Variants in RELL2 observed in about 807,000 individuals in gnomAD.
RELL2 encodes the protein RELT like 2.
A neutral mutation model predicts 27.5 loss-of-function variants in RELL2; 18 were observed. The observed-to-expected ratio is 0.65, with a 90% CI of 0.45 to 0.97. The LOEUF (loss-of-function observed/expected upper bound fraction) is 0.97, where lower values mean the gene tolerates loss of function less well. RELL2 is among the 50% of genes least tolerant of loss of function. The probability of loss-of-function intolerance (pLI) is 0.00; values close to 1 mark genes in which losing one functional copy is unlikely to be tolerated. For missense variants in RELL2, 370 were observed against 397.5 expected, an observed-to-expected ratio of 0.93 and a Z score of 0.59; for synonymous variants, 156 against 147.5, an observed-to-expected ratio of 1.06 and a Z score of -0.42.
At position 141,638,213 on chromosome 5, in the gene RELL2, C is replaced by A; in HGVS notation, c.-13C>A. 6.2e-7 allele frequency: 1 copy of A among 1,603,308 alleles called. No homozygotes were observed. On this transcript the variant is annotated 5_prime_UTR_variant, in exon 1 of 7. Transcript: ENST00000297164. ...AGGAGGCGCCCTGGCCCGCGCTCGC[C>A]CCCCAGGGCCTCATGTCGGAACCAC...
At position 141,639,742 on chromosome 5, in the gene RELL2, T is replaced by C; in HGVS notation, c.503+93T>C. ...AAAGTGGGCCTTGGCTCTTTCCTCC[T>C]GGACTGGGAGCTCCGGCAGAAGTCA... On this transcript the variant is annotated intron_variant, in intron 4 of 6. Transcript: ENST00000297164. This position sits in a 1 kb window ranked among gnomAD's most constrained non-coding sequence, Gnocchi z 4.4. 1 of 1,372,450 alleles carries C rather than the reference T, an allele frequency of 7.3e-7. No individual in the cohort carries two copies. The highest frequency in any genetic ancestry group is 1.3e-5 in the South Asian group (1 of 75,528). The allele number at this position is 1,372,450 out of a possible 1,614,324, so 85.0% of individuals were successfully genotyped here.
In RELL2 at chr5:141,638,079, G is replaced by GT; in HGVS notation, c.-146dup. ...CTGGCCCGGACAGCTCCCTGGTTGG[G>GT]TAGGGGGTGGGGCCGGACCTCAGCC... is the stretch of plus-strand genomic sequence containing the variant. On this transcript the variant is annotated 5_prime_UTR_variant, in exon 1 of 7. Transcript: ENST00000297164. 1 of 637,610 alleles carries GT rather than the reference G, an allele frequency of 1.6e-6. No individual in the cohort carries two copies. The highest frequency in any genetic ancestry group is 2.8e-6 in the Non-Finnish European group (1 of 360,358). 39.5% of individuals were successfully genotyped at this position (637,610 alleles called of 1,614,324 possible). A position where few individuals can be genotyped will look rare whatever the true frequency, so the allele number is the denominator to read the frequency against.
At chr5:141,640,382 C>T (rs2099906709) in intron 5 of RELL2, 30 bp from the exon 6 acceptor site, 2 of 1,614,174 alleles carry the variant, frequency 1.2e-6, no homozygotes, top group Non-Finnish European at 1.7e-6. Flanking sequence ...CTCCTGGTCT[C>T]TCATTGTTGA....
chr5:141,640,718 G>A lies in RELL2; in HGVS notation c.*49G>A, dbSNP rs112543254. 2.0e-6 allele frequency: 3 copies of A among 1,524,472 alleles called. No individual in the cohort carries two copies. Among genetic ancestry groups the A allele is most frequent in the Non-Finnish European group, 2.6e-6 (3 of 1,139,586 alleles). 94.4% of individuals were successfully genotyped at this position (1,524,472 alleles called of 1,614,324 possible). ...CTACCAGCTGGCAGGGCCAGGGGGTGGGTGGGCGTGAAAGCCCTCCCCTCC... is the reference window on the plus strand; with the variant it reads ...CTACCAGCTGGCAGGGCCAGGGGGTAGGTGGGCGTGAAAGCCCTCCCCTCC... On this transcript the variant is annotated 3_prime_UTR_variant, in exon 7 of 7. Transcript: ENST00000297164.
At chr5:141,638,680 G>A (rs1367739460) in intron 1 of RELL2, 115 bp from the exon 2 acceptor site, 1 of 941,614 alleles carries the variant, frequency 1.1e-6, no homozygotes, top group African/African-American at 1.6e-5. Flanking sequence ...GGTCCAGCAT[G>A]ATAGCAAGTA....
Position 141,638,022 on chromosome 5 carries a change from C to T in RELL2, c.-204C>T, listed in dbSNP as rs541032911. On this transcript the variant is annotated 5_prime_UTR_variant, in exon 1 of 7. Transcript: ENST00000297164. ...TCGTGGTAGAGAGCTTGCGTTGCCG[C>T]TGACCTCTTGCCGAAAGGCGAAACA... is the stretch of plus-strand genomic sequence containing the variant. 9.2e-6 allele frequency: 5 copies of T among 545,024 alleles called. No homozygotes were observed. The African/African-American group carries it at 9.5e-5, about 10-fold the overall frequency. 33.8% of individuals were successfully genotyped at this position (545,024 alleles called of 1,614,324 possible).
chr5:141,640,190 T>G lies in RELL2; in HGVS notation c.774T>G (p.Ala258=). 6.2e-7 allele frequency: 1 copy of G among 1,614,146 alleles called. No individual in the cohort carries two copies. Among genetic ancestry groups the G allele is most frequent in the South Asian group, 1.1e-5 (1 of 91,084 alleles). The change falls in exon 5 of 7, where the codon GCT becomes GCG. Residue 258 remains alanine, a synonymous_variant. Coordinates refer to ENST00000297164, the MANE Select transcript of RELL2 (RefSeq NM_173828.5). ...GTGCACTTGAAGGGAACCCCAGAGC[T>G]TCTGCAGAGCCAACACTGAGGGCCG... is the stretch of plus-strand genomic sequence containing the variant. The part of the protein sequence containing the change: ...TPRALEGNPR[A]SAEPTLRAGG...
chr5:141,640,626 C>T (rs556863623), intron 6 of RELL2, 45 bp from the exon 7 acceptor site: 24 of 1,538,880 alleles, frequency 1.6e-5, no homozygotes, highest in Non-Finnish European at 1.9e-5. Flanking sequence ...AAGCTGGACA[C>T]AGCTTGAACA....
In RELL2 at chr5:141,638,075, T is replaced by G; in HGVS notation, c.-151T>G. On this transcript the variant is annotated 5_prime_UTR_variant, in exon 1 of 7. Coordinates refer to ENST00000297164, the MANE Select transcript of RELL2 (RefSeq NM_173828.5). ...ACTCCTGGCCCGGACAGCTCCCTGG[T>G]TGGGTAGGGGGTGGGGCCGGACCTC... is the stretch of plus-strand genomic sequence containing the variant. The G allele has an allele frequency of 1.6e-6, 1 of 631,008 alleles. No individual in the cohort carries two copies. The highest frequency in any genetic ancestry group is 2.8e-6 in the Non-Finnish European group (1 of 356,132). 39.1% of individuals were successfully genotyped at this position (631,008 alleles called of 1,614,324 possible).
Position 141,637,086 on chromosome 5 carries a change from G to A in RELL2, c.-1140G>A. 3.2e-6 allele frequency: 1 copy of A among 317,284 alleles called. No homozygotes were observed. Among genetic ancestry groups the A allele is most frequent in the Non-Finnish European group, 5.7e-6 (1 of 174,694 alleles). The allele number at this position is 317,284 out of a possible 1,614,324, so 19.7% of individuals were successfully genotyped here. On this transcript the variant is annotated 5_prime_UTR_variant, in exon 1 of 7. Transcript: ENST00000297164. ...CGGCCGGGGGTCAGATCCTCGGGAA[G>A]CCGAGCCATCCCATCCAGCCGCTTG...
In RELL2 at chr5:141,638,074, G is replaced by T. The variant is rs1562377933; in HGVS notation, c.-152G>T. The T allele has an allele frequency of 1.6e-6, 1 of 630,434 alleles. No individual in the cohort carries two copies. The highest frequency in any genetic ancestry group is 2.8e-6 in the Non-Finnish European group (1 of 355,778). The allele number at this position is 630,434 out of a possible 1,614,324, so 39.1% of individuals were successfully genotyped here. ...CACTCCTGGCCCGGACAGCTCCCTG[G>T]TTGGGTAGGGGGTGGGGCCGGACCT... On this transcript the variant is annotated 5_prime_UTR_variant, in exon 1 of 7. Transcript: ENST00000297164.
Position 141,638,315 on chromosome 5 carries a change from G to A in RELL2, c.90G>A (p.Leu30=), listed in dbSNP as rs2099906392. The change falls in exon 1 of 7, where the codon CTG becomes CTA. Residue 30 remains leucine (L), a synonymous_variant. Transcript: ENST00000297164. ...TGCTGGTCTTCTTCCTCATGGGCCT[G>A]GTAGGCTTCATGATCTGCCACGTGC... ...LLVLVFFLMG[L]VGFMICHVLK... The A allele has an allele frequency of 1.2e-6, 2 of 1,613,848 alleles. No homozygotes were observed. The highest frequency in any genetic ancestry group is 1.7e-6 in the Non-Finnish European group (2 of 1,179,982).
chr5:141,640,346 A>C (rs2154598243), intron 5 of RELL2, 51 bp downstream of exon 5: 1 of 1,613,826 alleles, frequency 6.2e-7, no homozygotes, highest in South Asian at 1.1e-5. Context: ...ATTGCTCTCT[A>C]CTCTGGGGGG....
chr5:141,638,444 C>A, intron 1 of RELL2, 35 bp downstream of exon 1: 3 of 1,568,776 alleles, frequency 1.9e-6, no homozygotes, highest in Non-Finnish European at 2.6e-6. Flanking sequence ...GCTCAGTCAC[C>A]TTTCACCCTT....
Position 141,640,251 on chromosome 5 carries a change from G to A in RELL2, c.835G>A (p.Glu279Lys). The change falls in exon 5 of 7, where the codon GAG becomes AAG. Residue 279 changes from glutamate (E) to lysine (K), a missense_variant. Coordinates refer to ENST00000297164, the MANE Select transcript of RELL2 (RefSeq NM_173828.5). ...CCCAAGCCCAGGGCTGCCCACTCAAGAGGCAAATGGGCAGCCAAGCAAACC... is the reference window on the plus strand; with the variant it reads ...CCCAAGCCCAGGGCTGCCCACTCAAAAGGCAAATGGGCAGCCAAGCAAACC... The part of the protein sequence containing the change: ...RGPSPGLPTQ[E>K]ANGQPSKPDT... 6.2e-7 allele frequency: 1 copy of A among 1,614,082 alleles called. No homozygotes were observed. The highest frequency in any genetic ancestry group is 8.5e-7 in the Non-Finnish European group (1 of 1,179,964).
Position 141,640,087 on chromosome 5 carries a change from CT to C in RELL2, c.672del (p.Glu225ArgfsTer8). On this transcript the variant is annotated frameshift_variant, in exon 5 of 7. Coordinates refer to ENST00000297164, the MANE Select transcript of RELL2 (RefSeq NM_173828.5). LOFTEE classifies it high-confidence loss of function. ...AGMPAMERLPPERPQPQVLAS... is the reference protein window; with the variant it reads ...AGMPAMERLPXERPQPQVLAS... ...ATGCCTGCCATGGAGAGGCTGCCCC[CT>C]GAGAGGCCACAGCCCCAGGTCCTAG... 1 of 1,613,606 alleles carries C rather than the reference CT, an allele frequency of 6.2e-7. No individual in the cohort carries two copies. Among genetic ancestry groups the C allele is most frequent in the African/African-American group, 1.3e-5 (1 of 75,038 alleles).
rs14251 is a variant in RELL2 at position 141,639,543 on chromosome 5, C to A, written c.397C>A (p.Leu133Ile). The A allele has an allele frequency of 0.41, 656,614 of 1,613,318 alleles. 136,732 individuals are homozygous for A. Among genetic ancestry groups the A allele is most frequent in the Middle Eastern group, 0.53 (3,238 of 6,056 alleles). The change falls in exon 4 of 7, where the codon CTC becomes ATC. Residue 133 changes from leucine to isoleucine, a missense_variant. Physicochemically the swap from Leu to Ile is conservative, Grantham distance 5. Transcript: ENST00000297164. The surrounding 1 kb of genome is among the most constrained non-coding windows in gnomAD (Gnocchi z 4.4). ...TVHLGSAAPC[L>I]HCSRSKRPPL... ...GCACCTGGGCTCTGCAGCCCCTTGC[C>A]TCCATTGCAGCCGCAGCAAGAGGCC... is the stretch of plus-strand genomic sequence containing the variant.
In RELL2 at chr5:141,637,979, G is replaced by A; in HGVS notation, c.-247G>A. On this transcript the variant is annotated 5_prime_UTR_variant, in exon 1 of 7. Coordinates refer to ENST00000297164, the MANE Select transcript of RELL2 (RefSeq NM_173828.5). ...TGGAAAGGGGAACGCTCGGGGCGTC[G>A]GGGAAGCGGGACCAGGGTCGTGGTA... 2 of 442,946 alleles carry A rather than the reference G, an allele frequency of 4.5e-6. No individual in the cohort carries two copies. Among genetic ancestry groups the A allele is most frequent in the African/African-American group, 2.0e-5 (1 of 50,516 alleles). 27.4% of individuals were successfully genotyped at this position (442,946 alleles called of 1,614,324 possible).
At chr5:141,640,341 T>G (rs748788130) in intron 5 of RELL2, 46 bp downstream of exon 5, 18 of 1,613,868 alleles carry the variant, frequency 1.1e-5, no homozygotes, top group Admixed American at 1.7e-5. Flanking sequence ...CTCTTATTGC[T>G]CTCTACTCTG....
Sources: gnomAD v4.1 joint callset for allele counts on GRCh38, gnomAD v4.1.1 for gene constraint, Gnocchi (gnomAD v3.1) non-coding constraint, MANE v1.5 for transcripts, NCBI Gene and HGNC (gene_info 2026-07-23, HGNC 2026-07-21) for gene names.